The following PLA2G7 variants were observed in gnomAD, a reference collection of about 807,000 sequenced individuals.
The protein encoded by PLA2G7 is platelet-activating factor acetylhydrolase.
PLA2G7 carries 63 observed loss-of-function variants against 49.6 expected under a neutral mutation model. That is an observed-to-expected ratio of 1.27 (90% confidence interval 1.04 to 1.57). The LOEUF (loss-of-function observed/expected upper bound fraction) is 1.57, where lower values mean the gene tolerates loss of function less well. Ranked by LOEUF, PLA2G7 falls within the 40% of genes most tolerant of loss-of-function variation. The probability of loss-of-function intolerance (pLI) is 0.00; values close to 1 mark genes in which losing one functional copy is unlikely to be tolerated. For missense variants in PLA2G7, 596 were observed against 521.2 expected, an observed-to-expected ratio of 1.14 and a Z score of -1.40; for synonymous variants, 193 against 169.9, an observed-to-expected ratio of 1.14 and a Z score of -1.06.
intron 1 of PLA2G7, among the ~76,000 whole-genome samples, chr6:46,725,342 C>T (rs1381079378): frequency 6.6e-6 from 1 of 151,894 alleles, no homozygotes; most frequent in African/African-American, 2.4e-5. Context: ...GGCAATTCTC[C>T]TGCCTCAGCC....
chr6:46,704,820 T>G, intron 11 of PLA2G7, 124 bp from the exon 12 acceptor site: 1 of 688,376 alleles, frequency 1.5e-6, no homozygotes, highest in Non-Finnish European at 2.5e-6. Flanking sequence ...AGAGACGATG[T>G]GCTCTGTATC....
intron 2 of PLA2G7, among the ~76,000 whole-genome samples, chr6:46,722,240 A>ACAAG (rs2150706881): frequency 6.6e-6 from 1 of 152,306 alleles, no homozygotes; most frequent in Admixed American, 6.5e-5. Context: ...GGAACTCCCT[A>ACAAG]GCACCTACTT....
intron 2 of PLA2G7, among the ~76,000 whole-genome samples, chr6:46,722,053 G>A (rs1765418157): frequency 6.6e-6 from 1 of 152,118 alleles, no homozygotes; most frequent in African/African-American, 2.4e-5. Flanking sequence ...AATTTGCAAA[G>A]CTCCAGAAAC....
At chr6:46,716,931 CAATATT>C (rs1765222620) in intron 3 of PLA2G7, 38 bp downstream of exon 3, 1 of 1,593,956 alleles carries the variant, frequency 6.3e-7, no homozygotes, top group Admixed American at 1.7e-5. Flanking sequence ...TAGCGACAGA[CAATATT>C]AGAGTATCAG....
intron 10 of PLA2G7, among the ~76,000 whole-genome samples, chr6:46,707,709 T>C (rs548216922): frequency 1.3e-5 from 2 of 152,318 alleles, no homozygotes; most frequent in African/African-American, 4.8e-5. Context: ...TGTGAGCCAA[T>C]GAAACCTCTT....
chr6:46,722,831 G>T lies in PLA2G7; in HGVS notation c.61C>A (p.Pro21Thr). The change falls in exon 2 of 12, where the codon CCT becomes ACT. Residue 21 changes from proline (P) to threonine (T), a missense_variant. Coordinates refer to ENST00000274793, the MANE Select transcript of PLA2G7 (RefSeq NM_005084.4). ...GGATTTATGTATTGCCAGTCAAAAG[G>T]ATAAACCACAGCCAGGCAGCCGCAG... is the stretch of plus-strand genomic sequence containing the variant. ...CLCGCLAVVY[P>T]FDWQYINPVA... 6.2e-7 allele frequency: 1 copy of T among 1,613,804 alleles called. No individual in the cohort carries two copies. The highest frequency in any genetic ancestry group is 8.5e-7 in the Non-Finnish European group (1 of 1,179,760).
intron 6 of PLA2G7, among the ~76,000 whole-genome samples, 185 bp from the exon 7 acceptor site, chr6:46,711,804 C>T (rs959579704): frequency 1.3e-5 from 2 of 152,162 alleles, no homozygotes; most frequent in Middle Eastern, 3.2e-3. Context: ...ACCTTATTGT[C>T]TATCATCAAG....
At chr6:46,734,977 T>C (rs1765874077) in intron 1 of PLA2G7, among the ~76,000 whole-genome samples, 1 of 152,182 alleles carries the variant, frequency 6.6e-6, no homozygotes, top group Non-Finnish European at 1.5e-5. Context: ...TGGTGTCTAA[T>C]ACCGTCATCC....
At chr6:46,711,731 TC>T in intron 6 of PLA2G7, 112 bp from the exon 7 acceptor site, 1 of 1,066,248 alleles carries the variant, frequency 9.4e-7, no homozygotes, top group South Asian at 1.3e-5. Flanking sequence ...GACTTCCCTT[TC>T]TTCTTCCACT....
At chr6:46,719,916 CT>C (rs1334499900) in intron 2 of PLA2G7, among the ~76,000 whole-genome samples, 6 of 151,914 alleles carry the variant, frequency 3.9e-5, no homozygotes, top group African/African-American at 7.2e-5. Context: ...ACCCCAGAAA[CT>C]TTTTTTTTAA....
chr6:46,728,328 A>G (rs965093076), intron 1 of PLA2G7, among the ~76,000 whole-genome samples: 5 of 152,190 alleles, frequency 3.3e-5, no homozygotes, highest in Admixed American at 1.3e-4. Context: ...TGCTACTGGC[A>G]TCTAGTGAGT....
chr6:46,720,283 T>A (rs1325715988), intron 2 of PLA2G7, among the ~76,000 whole-genome samples: 1 of 152,234 alleles, frequency 6.6e-6, no homozygotes, highest in Non-Finnish European at 1.5e-5. Context: ...AACACAAGCC[T>A]CCGCTTGTGA....
rs758384422 is a variant in PLA2G7, at chr6:46,710,598, C to T, written c.724G>A (p.Gly242Arg). 2.5e-6 allele frequency: 4 copies of T among 1,613,634 alleles called. No individual in the cohort carries two copies. In the South Asian group the frequency reaches 4.4e-5, roughly 18 times the overall value. ...TCTAATGCATTCTTCACTGGCTTTC[C>T]ATGATCAATGTCAAGAATCAGACTG... ...ALSLILDIDH[G>R]KPVKNALDLK... The change falls in exon 8 of 12, where the codon GGA (glycine) becomes AGA (arginine). Residue 242 changes from glycine (G) to arginine (R), a missense_variant. Gly to Arg is a moderately radical substitution (Grantham distance 125). Transcript: ENST00000274793.
At chr6:46,717,531 T>G (rs138828162) in intron 2 of PLA2G7, among the ~76,000 whole-genome samples, 60 of 152,044 alleles carry the variant, frequency 3.9e-4, no homozygotes, top group African/African-American at 1.4e-3. Context: ...GTTTCCAAAA[T>G]GAAACTAAAT....
intron 2 of PLA2G7, among the ~76,000 whole-genome samples, chr6:46,717,483 C>T (rs1765249605): frequency 6.6e-6 from 1 of 152,082 alleles, no homozygotes; most frequent in Non-Finnish European, 1.5e-5. Flanking sequence ...AGCATCTCTA[C>T]CTGATGTCCT....
intron 1 of PLA2G7, among the ~76,000 whole-genome samples, chr6:46,731,635 T>C (rs1249797370): frequency 3.3e-5 from 5 of 152,178 alleles, no homozygotes; most frequent in African/African-American, 1.2e-4. Flanking sequence ...TATAATAAAT[T>C]AGGTTTACTG....
chr6:46,714,828 C>T (rs1205487177), intron 4 of PLA2G7, among the ~76,000 whole-genome samples: 7 of 150,628 alleles, frequency 4.6e-5, no homozygotes, highest in East Asian at 3.9e-4. Context: ...CTCTGCCTCC[C>T]GGGTTCAAGC....
At chr6:46,712,592 C>T (rs1191444494) in intron 5 of PLA2G7, among the ~76,000 whole-genome samples, 3 of 152,178 alleles carry the variant, frequency 2.0e-5, no homozygotes, top group African/African-American at 4.8e-5. Flanking sequence ...TGCTGTCAAG[C>T]ATCCTACAAT....
intron 1 of PLA2G7, among the ~76,000 whole-genome samples, chr6:46,734,730 G>A (rs1765863048): frequency 1.3e-5 from 2 of 151,938 alleles, no homozygotes; most frequent in South Asian, 4.2e-4. Flanking sequence ...AGTTGAGGCA[G>A]GAGAATTGCT....
Sources: allele counts gnomAD v4.1 joint callset (sites outside exome capture counted in the v4.1 genomes callset), GRCh38; gene constraint gnomAD v4.1.1; transcripts MANE v1.5; gene names NCBI Gene and HGNC (gene_info 2026-07-23, HGNC 2026-07-21).